Variants in DIP2A observed in about 807,000 individuals in gnomAD.
DIP2A encodes the protein disco-interacting protein 2 homolog A.
Under a neutral mutation model 177.4 loss-of-function variants are expected in DIP2A, and 85 were observed. The ratio of observed to expected loss-of-function variants is 0.48; its 90% CI spans 0.40 to 0.57. DIP2A has a LOEUF of 0.57. Among genes scored for constraint, DIP2A ranks in the 20% least tolerant of loss-of-function variants. DIP2A has a pLI of 0.00. For missense variants in DIP2A, 1,791 were observed against 2,100.2 expected (o/e 0.85, Z 2.88); for synonymous variants, 886 against 881.8 (o/e 1.00, Z -0.08).
intron 31 of DIP2A, 57 bp from the exon 32 acceptor site, chr21:46,558,165 AG>A: frequency 6.5e-7 from 1 of 1,535,048 alleles, no homozygotes. Flanking sequence ...AACAGTGCCC[AG>A]GGCCCTGGCA....
intron 6 of DIP2A, among the ~76,000 whole-genome samples, chr21:46,506,722 GTTTTTCTTTCTTTCTTTCTTTCTTTC>G (rs2058006264): frequency 2.6e-5 from 1 of 38,030 alleles, no homozygotes; most frequent in South Asian, 1.0e-3. Flanking sequence ...AATTGTGCTT[GTTTTTCTTTCTTTCTTTCTTTCTTTC>G]TTTCTTTCTT....
Position 46,509,337 on chromosome 21 carries a change from AAGG to A in DIP2A, c.868_870del (p.Glu290del). Reference sequence around the variant, plus strand: ...GAAGAGGCCAAAGCGCCCTCCACTGAAGGAGTTCTTTGTGGATGATTTTGAGGA... The same window carrying A: ...GAAGAGGCCAAAGCGCCCTCCACTGAAGTTCTTTGTGGATGATTTTGAGGA... On this transcript the variant is annotated inframe_deletion, in exon 7 of 38. Coordinates refer to ENST00000417564, the MANE Select transcript of DIP2A (RefSeq NM_015151.4). 2 of 1,613,446 alleles carry A rather than the reference AAGG, an allele frequency of 1.2e-6. No individual in the cohort carries two copies. The highest frequency in any genetic ancestry group is 8.5e-7 in the Non-Finnish European group (1 of 1,179,694).
intron 1 of DIP2A, among the ~76,000 whole-genome samples, chr21:46,473,660 C>T (rs1275558429): frequency 9.2e-5 from 14 of 152,098 alleles, no homozygotes; most frequent in South Asian, 4.1e-4. Context: ...GGATTACAGG[C>T]GTGTGCCACC....
At chr21:46,480,057 A>ATTT (rs72348715) in intron 1 of DIP2A, among the ~76,000 whole-genome samples, 4 of 121,092 alleles carry the variant, frequency 3.3e-5, no homozygotes, top group African/African-American at 1.2e-4. Context: ...GACTGCCTGT[A>ATTT]TTTTTTTTTT....
chr21:46,470,406 G>A (rs1030032762), intron 1 of DIP2A, among the ~76,000 whole-genome samples: 4 of 151,766 alleles, frequency 2.6e-5, no homozygotes, highest in Admixed American at 1.3e-4. Flanking sequence ...CCCAGGAGGC[G>A]GAGGTTGCGG....
At chr21:46,474,934 G>A (rs1216016697) in intron 1 of DIP2A, among the ~76,000 whole-genome samples, 1 of 152,224 alleles carries the variant, frequency 6.6e-6, no homozygotes, top group African/African-American at 2.4e-5. Flanking sequence ...AGTTGTGGAG[G>A]AGGATGGGAG....
rs1400721565 is a variant in DIP2A at position 46,557,133 on chromosome 21, G to GC, written c.3629+66dup. The GC allele has an allele frequency of 1.3e-5, 20 of 1,505,148 alleles. No homozygotes were observed. In the East Asian group the frequency reaches 4.8e-4, roughly 36 times the overall value. 93.2% of individuals were successfully genotyped at this position (1,505,148 alleles called of 1,614,324 possible). A position where few individuals can be genotyped will look rare whatever the true frequency, so the allele number is the denominator to read the frequency against. On this transcript the variant is annotated intron_variant, in intron 30 of 37. Transcript: ENST00000417564. The surrounding 1 kb of genome is among the most constrained non-coding windows in gnomAD (Gnocchi z 6.0). ...GCTCGTGTGGCTCTTAGGAACCTTG[G>GC]CCTTCTAAGGCACCTTTTCTGGGTG...
intron 10 of DIP2A, 78 bp downstream of exon 10, chr21:46,532,315 CAT>C (rs2059387978): frequency 2.5e-6 from 3 of 1,191,160 alleles, no homozygotes; most frequent in South Asian, 1.4e-5. Flanking sequence ...CCTTTTCACT[CAT>C]GTGGGCAGGC....
chr21:46,482,788 C>T (rs572611111), intron 1 of DIP2A, among the ~76,000 whole-genome samples: 1 of 152,302 alleles, frequency 6.6e-6, no homozygotes, highest in South Asian at 2.1e-4. Flanking sequence ...GATTTGGCAT[C>T]TGTGATCCTA....
In DIP2A at chr21:46,532,254, T is replaced by TC. The variant is rs1340312604; in HGVS notation, c.1305+18dup. The TC allele has an allele frequency of 6.2e-7, 1 of 1,605,122 alleles. No individual in the cohort carries two copies. The highest frequency in any genetic ancestry group is 2.2e-5 in the East Asian group (1 of 44,852). The stretch of plus-strand genomic sequence containing the variant: ...ACAAGAAAGGTAGCAAACCCATGGC[T>TC]CAGGTCCCGTGTGGTTCGCTTCTGA... On this transcript the variant is annotated intron_variant, in intron 10 of 37. Coordinates refer to ENST00000417564, the MANE Select transcript of DIP2A (RefSeq NM_015151.4).
chr21:46,462,880 A>G (rs1423344949), intron 1 of DIP2A: 1 of 152,214 alleles, frequency 6.6e-6, no homozygotes, highest in Non-Finnish European at 1.5e-5. Flanking sequence ...CAGCATCCTC[A>G]CTGCATTCTC....
chr21:46,574,632 C>A (rs1322551162), downstream of DIP2A, among the ~76,000 whole-genome samples: 1 of 151,914 alleles, frequency 6.6e-6, no homozygotes, highest in Non-Finnish European at 1.5e-5. Context: ...GAAACGTTAC[C>A]AATTCTACAG....
intron 9 of DIP2A, among the ~76,000 whole-genome samples, chr21:46,529,982 A>G (rs1315335078): frequency 6.6e-6 from 1 of 152,026 alleles, no homozygotes; most frequent in Non-Finnish European, 1.5e-5. Flanking sequence ...AAAATTAAAT[A>G]AAATAAAAAA....
chr21:46,488,321 G>A (rs2056809203), intron 2 of DIP2A, among the ~76,000 whole-genome samples: 1 of 152,142 alleles, frequency 6.6e-6, no homozygotes, highest in Non-Finnish European at 1.5e-5. Flanking sequence ...ACACCCCTTT[G>A]AGTAGGAATT....
chr21:46,467,584 A>G (rs1350532081), intron 1 of DIP2A, among the ~76,000 whole-genome samples: 5 of 152,202 alleles, frequency 3.3e-5, no homozygotes, highest in African/African-American at 1.2e-4. Flanking sequence ...GCCTAGTTTA[A>G]TAATTATTTC....
At chr21:46,515,605 C>T (rs1007501449) in intron 8 of DIP2A, among the ~76,000 whole-genome samples, 6 of 152,066 alleles carry the variant, frequency 3.9e-5, no homozygotes, top group African/African-American at 1.5e-4. Context: ...GGCGTGATCT[C>T]GGCTCACTGC....
chr21:46,546,842 G>A (rs934692542), intron 20 of DIP2A, 73 bp from the exon 21 acceptor site: 37 of 1,564,134 alleles, frequency 2.4e-5, no homozygotes, highest in South Asian at 8.2e-5. Context: ...TTCTTGGGGG[G>A]CCTGACCATG....
chr21:46,516,488 C>CCT lies in DIP2A; in HGVS notation c.1102+4874_1102+4875insCT, dbSNP rs2058579913. Among the ~76,000 whole-genome samples, 26 of 76,378 alleles carry CCT rather than the reference C, an allele frequency of 3.4e-4. 1 individual carries two copies. The highest frequency in any genetic ancestry group is 1.1e-3 in the African/African-American group (25 of 22,518). 50.1% of individuals were successfully genotyped at this position (76,378 alleles called of 152,430 possible). ...TCTTTAATCTTGTCTTCTGAAATTT[C>CCT]TTTTTTTTTTTTTTTTTTTTTGAGA... On this transcript the variant is annotated intron_variant, in intron 8 of 37. Transcript: ENST00000417564.
chr21:46,557,309 A>G lies in DIP2A; in HGVS notation c.3629+240A>G, dbSNP rs1240300237. Reference sequence around the variant, plus strand: ...AAGAATCTGCTTGATTCCTTCAAACACTAGAAAGTGGCGATCCGTCTCTAG... The same window carrying G: ...AAGAATCTGCTTGATTCCTTCAAACGCTAGAAAGTGGCGATCCGTCTCTAG... On this transcript the variant is annotated intron_variant, in intron 30 of 37. Transcript: ENST00000417564. This position sits in a 1 kb window ranked among gnomAD's most constrained non-coding sequence, Gnocchi z 6.0. 2 of 625,994 alleles carry G rather than the reference A, an allele frequency of 3.2e-6. No homozygotes were observed. The highest frequency in any genetic ancestry group is 5.4e-6 in the Non-Finnish European group (2 of 366,978). The allele number at this position is 625,994 out of a possible 1,614,324, so 38.8% of individuals were successfully genotyped here.
Sources: gnomAD v4.1 joint callset for allele counts (sites outside exome capture counted in the v4.1 genomes callset) on GRCh38, gnomAD v4.1.1 for gene constraint, Gnocchi (gnomAD v3.1) non-coding constraint, MANE v1.5 for transcripts, NCBI Gene and HGNC (gene_info 2026-07-23, HGNC 2026-07-21) for gene names.